Variants in CNBD1 observed in about 807,000 individuals in gnomAD.
CNBD1 encodes the protein cyclic nucleotide-binding domain-containing protein 1.
Under a neutral mutation model 54.4 loss-of-function variants are expected in CNBD1, and 71 were observed. The ratio of observed to expected loss-of-function variants is 1.30; its 90% CI spans 1.08 to 1.59. The LOEUF (loss-of-function observed/expected upper bound fraction) is 1.59, where lower values mean the gene tolerates loss of function less well. Ranked by LOEUF, CNBD1 falls within the 40% of genes most tolerant of loss-of-function variation. The probability of loss-of-function intolerance (pLI) is 0.00; values close to 1 mark genes in which losing one functional copy is unlikely to be tolerated. For synonymous variants in CNBD1, 182 were observed against 170.7 expected (o/e 1.07, Z -0.51); for missense variants, 659 against 518.0 (o/e 1.27, Z -2.64).
At chr8:87,030,409 T>C (rs926774462) in intron 4 of CNBD1, among the ~76,000 whole-genome samples, 21 of 152,230 alleles carry the variant, frequency 1.4e-4, no homozygotes, top group African/African-American at 5.1e-4. Flanking sequence ...TTTATCTTTA[T>C]AGATTTTTCC....
chr8:87,260,131 G>T (rs529749201), intron 6 of CNBD1, among the ~76,000 whole-genome samples: 3 of 152,298 alleles, frequency 2.0e-5, no homozygotes, highest in African/African-American at 7.2e-5. Flanking sequence ...AATTGCCATT[G>T]CCAGTTGGAG....
intron 8 of CNBD1, among the ~76,000 whole-genome samples, chr8:87,333,483 C>T (rs190528460): frequency 9.9e-4 from 150 of 152,206 alleles, no homozygotes; most frequent in Non-Finnish European, 1.8e-3. Flanking sequence ...CCAGCTTTTG[C>T]CCATTCAGTA....
At chr8:87,327,973 T>G (rs1161462818) in intron 8 of CNBD1, among the ~76,000 whole-genome samples, 4 of 152,152 alleles carry the variant, frequency 2.6e-5, no homozygotes, top group Admixed American at 2.6e-4. Flanking sequence ...CAGTTTTTCT[T>G]TTTTTAAAAG....
At chr8:87,100,744 G>A (rs747288337) in intron 4 of CNBD1, among the ~76,000 whole-genome samples, 62 of 152,068 alleles carry the variant, frequency 4.1e-4, no homozygotes, top group South Asian at 1.0e-3. Context: ...CAACGTGCTG[G>A]GATTACAGGT....
chr8:87,128,441 C>G (rs1402581747), intron 4 of CNBD1, among the ~76,000 whole-genome samples: 4 of 152,186 alleles, frequency 2.6e-5, no homozygotes, highest in South Asian at 2.1e-4. Context: ...GGTGGCTGAA[C>G]AGATGAGCCA....
At chr8:87,361,319 G>C (rs937985090) in intron 10 of CNBD1, among the ~76,000 whole-genome samples, 1 of 151,738 alleles carries the variant, frequency 6.6e-6, no homozygotes, top group East Asian at 1.9e-4. Context: ...TATTTGCAAA[G>C]CTTGACAAAA....
intron 8 of CNBD1, among the ~76,000 whole-genome samples, chr8:87,350,441 A>G (rs2043627186): frequency 6.6e-6 from 1 of 151,912 alleles, no homozygotes; most frequent in Non-Finnish European, 1.5e-5. Context: ...TTTATCTTGA[A>G]GTACTTATTC....
intron 2 of CNBD1, among the ~76,000 whole-genome samples, chr8:86,891,878 A>C (rs1313185252): frequency 2.0e-5 from 3 of 152,050 alleles, no homozygotes; most frequent in Non-Finnish European, 4.4e-5. Flanking sequence ...TGGTTTGTAT[A>C]TAGAAGCATG....
intron 4 of CNBD1, among the ~76,000 whole-genome samples, chr8:86,976,731 T>A (rs2130500714): frequency 6.6e-6 from 1 of 152,062 alleles, no homozygotes; most frequent in East Asian, 1.9e-4. Flanking sequence ...TTTCAGTATA[T>A]AGATCTTTCA....
At chr8:87,300,740 G>A (rs1050582618) in intron 8 of CNBD1, among the ~76,000 whole-genome samples, 2 of 151,968 alleles carry the variant, frequency 1.3e-5, no homozygotes, top group Non-Finnish European at 2.9e-5. Context: ...TATTTCCAAT[G>A]TTTGGAGGGT....
At chr8:87,073,050 A>T (rs370440800) in intron 4 of CNBD1, among the ~76,000 whole-genome samples, 8 of 150,956 alleles carry the variant, frequency 5.3e-5, no homozygotes, top group African/African-American at 2.0e-4. Context: ...TGTGTGTCCT[A>T]TTCCAGAAAG....
At chr8:87,170,892 C>T (rs893204014) in intron 4 of CNBD1, among the ~76,000 whole-genome samples, 2 of 151,972 alleles carry the variant, frequency 1.3e-5, no homozygotes, top group Non-Finnish European at 2.9e-5. Context: ...GATCTTCTTA[C>T]GGTGTTGTTG....
At chr8:87,330,040 T>A (rs1291057982) in intron 8 of CNBD1, among the ~76,000 whole-genome samples, 1 of 152,000 alleles carries the variant, frequency 6.6e-6, no homozygotes, top group African/African-American at 2.4e-5. Context: ...TTGTAGATAT[T>A]CTATATCAAT....
At chr8:86,925,925 A>T (rs1395707705) in intron 3 of CNBD1, among the ~76,000 whole-genome samples, 2 of 152,072 alleles carry the variant, frequency 1.3e-5, no homozygotes, top group African/African-American at 4.8e-5. Context: ...TTTATTGCGA[A>T]GAGTGAAAGG....
At chr8:87,151,357 C>T (rs936317886) in intron 4 of CNBD1, among the ~76,000 whole-genome samples, 4 of 152,194 alleles carry the variant, frequency 2.6e-5, no homozygotes, top group Non-Finnish European at 5.9e-5. Flanking sequence ...CAAAATTCTC[C>T]ATACTAATGA....
intron 10 of CNBD1, among the ~76,000 whole-genome samples, chr8:87,369,792 T>G (rs1471925555): frequency 1.3e-5 from 2 of 152,072 alleles, no homozygotes; most frequent in Admixed American, 1.3e-4. Flanking sequence ...TAGTTACATA[T>G]GTATACATGC....
At chr8:87,232,844 T>A (rs62528061) in intron 5 of CNBD1, among the ~76,000 whole-genome samples, 1 of 152,126 alleles carries the variant, frequency 6.6e-6, no homozygotes, top group Non-Finnish European at 1.5e-5. Context: ...AGAAGAGTCA[T>A]GTGAGATATT....
intron 3 of CNBD1, among the ~76,000 whole-genome samples, chr8:86,933,346 C>G (rs540835966): frequency 2.6e-5 from 4 of 152,052 alleles, no homozygotes; most frequent in African/African-American, 9.6e-5. Flanking sequence ...AATGAAAAAA[C>G]AAAACACACA....
chr8:86,956,074 T>A (rs898525369), intron 4 of CNBD1, among the ~76,000 whole-genome samples: 8 of 152,244 alleles, frequency 5.3e-5, no homozygotes, highest in Admixed American at 2.6e-4. Context: ...CCAGCACCAT[T>A]TATTAAATAG....
Sources: allele counts gnomAD v4.1 joint callset (sites outside exome capture counted in the v4.1 genomes callset), GRCh38; gene constraint gnomAD v4.1.1; transcripts MANE v1.5; gene names NCBI Gene and HGNC (gene_info 2026-07-23, HGNC 2026-07-21).